Variants in PLXNA3 observed in about 807,000 individuals in gnomAD.
The protein encoded by PLXNA3 is plexin A3, also known as plexin-A3.
In PLXNA3, 52 loss-of-function variants were observed where a neutral mutation model predicts 118.8. The observed-to-expected ratio is 0.44, with a 90% CI of 0.35 to 0.55. The LOEUF (loss-of-function observed/expected upper bound fraction) is 0.55. PLXNA3 is among the 20% of genes least tolerant of loss of function. The probability of loss-of-function intolerance (pLI) is 0.01; values close to 1 mark genes in which losing one functional copy is unlikely to be tolerated. For missense variants in PLXNA3, 1,660 were observed against 1,730.8 expected (o/e 0.96, Z 0.73); for synonymous variants, 925 against 762.4 (o/e 1.21, Z -3.51).
chrX:154,471,050 G>T, intron 30 of PLXNA3, 55 bp from the exon 31 acceptor site: 1 of 1,047,571 alleles, frequency 9.5e-7, no homozygotes, highest in Non-Finnish European at 1.3e-6. Context: ...ACATGGGAGG[G>T]GCCCCTTGGG....
At position 154,464,469 on chromosome X, in the gene PLXNA3, CTT is replaced by C; in HGVS notation, c.1898_1899del (p.Phe633CysfsTer25). 8.3e-7 allele frequency: 1 copy of C among 1,210,188 alleles called. No homozygotes were observed. The highest frequency in any genetic ancestry group is 1.1e-6 in the Non-Finnish European group (1 of 894,014). On this transcript the variant is annotated frameshift_variant, in exon 9 of 33. Coordinates refer to ENST00000369682, the MANE Select transcript of PLXNA3 (RefSeq NM_017514.5). LOFTEE classifies it high-confidence loss of function. ...CAGGCGTGAGGTTTGCCGGTGCTGA[CTT>C]TGTCTTCTACAACTGCAGCGTCCTC... ...ETGVRFAGADFVFYNCSVLQS... is the reference protein window; with the variant it reads ...ETGVRFAGADXVFYNCSVLQS...
Position 154,467,538 on chromosome X carries a change from C to A in PLXNA3, c.3442-7C>A. ...AGTCCTGGGCTGAAGTTGTCCTCCA[C>A]CCCCAGGGCAAGAACCTGATTCCCG... On this transcript the variant is annotated splice_region_variant and splice_polypyrimidine_tract_variant and intron_variant, in intron 19 of 32. Transcript: ENST00000369682. 8.5e-7 allele frequency: 1 copy of A among 1,173,664 alleles called. No homozygotes were observed.
Position 154,461,006 on chromosome X carries a change from C to G in PLXNA3, c.595-93C>G, listed in dbSNP as rs1279584203. On this transcript the variant is annotated intron_variant, in intron 2 of 32. Transcript: ENST00000369682. ...TCTGGCCTGGGCCTCTGTGATCATC[C>G]AGGCGGGAGGGGGATGCAGAGGGAA... The G allele has an allele frequency of 4.7e-6, 4 of 846,145 alleles. No homozygotes were observed. The Admixed American group carries it at 1.1e-4, about 24-fold the overall frequency. 69.7% of individuals were successfully genotyped at this position (846,145 alleles called of 1,213,427 possible).
chrX:154,461,566 G>C lies in PLXNA3; in HGVS notation c.1062G>C (p.Gln354His). 1.7e-6 allele frequency: 2 copies of C among 1,208,585 alleles called. No homozygotes were observed. The highest frequency in any genetic ancestry group is 1.1e-6 in the Non-Finnish European group (1 of 895,366). Residue 354 changes from glutamine to histidine, a missense_variant, in exon 3 of 33, where the codon CAG becomes CAC. This residue lies in a region of PLXNA3 where 791 missense variants were observed against 652.1 expected (regional missense o/e 1.21). Transcript: ENST00000369682. ...NINAHIRRRI[Q>H]SCYRGEGTLA... The stretch of plus-strand genomic sequence containing the variant: ...ATGCCCACATCCGGCGCCGCATCCA[G>C]TCCTGCTATCGTGGGGAGGGCACTC...
In PLXNA3 at chrX:154,462,324, C is replaced by A. The variant is rs1024278657; in HGVS notation, c.1317+14C>A. ...AGCTTGAAGAAGGTGGCCCCCAGAG[C>A]CCTGGGCATGTGGGGGTGGGGACAG... is the stretch of plus-strand genomic sequence containing the variant. On this transcript the variant is annotated intron_variant, in intron 4 of 32. Coordinates refer to ENST00000369682, the MANE Select transcript of PLXNA3 (RefSeq NM_017514.5). 4 of 1,119,481 alleles carry A rather than the reference C, an allele frequency of 3.6e-6. No individual in the cohort carries two copies. The highest frequency in any genetic ancestry group is 2.9e-5 in the Admixed American group (1 of 34,331). The allele number at this position is 1,119,481 out of a possible 1,213,427, so 92.3% of individuals were successfully genotyped here. A position where few individuals can be genotyped will look rare whatever the true frequency, so the allele number is the denominator to read the frequency against.
At position 154,460,179 on chromosome X, in the gene PLXNA3, C is replaced by T. The variant is rs782264572; in HGVS notation, c.-5C>T. 542 of 1,182,555 alleles carry T rather than the reference C, an allele frequency of 4.6e-4. 1 individual carries two copies. Among genetic ancestry groups the T allele is most frequent in the East Asian group, 2.3e-3 (78 of 33,657 alleles). On this transcript the variant is annotated 5_prime_UTR_variant, in exon 2 of 33. Transcript: ENST00000369682. ...TAGGCCTGTCCCCAGGCGCGGCTGC[C>T]GGCCATGCCCTCTGTCTGCCTCCTC...
At position 154,466,722 on chromosome X, in the gene PLXNA3, C is replaced by T; in HGVS notation, c.3036C>T (p.Ser1012=). 1.7e-6 allele frequency: 2 copies of T among 1,196,633 alleles called. No homozygotes were observed. The highest frequency in any genetic ancestry group is 2.3e-6 in the Non-Finnish European group (2 of 887,741). ...TLAIDRANIS[S]PGLIYTYTQD... ...CCATTGACCGGGCTAACATCTCCAG[C>T]CCCGGGCTCATCTACACCTACACTC... Residue 1012 remains serine, a synonymous_variant, in exon 17 of 33, where the codon AGC becomes AGT. Coordinates refer to ENST00000369682, the MANE Select transcript of PLXNA3 (RefSeq NM_017514.5).
At position 154,460,535 on chromosome X, in the gene PLXNA3, G is replaced by A; in HGVS notation, c.352G>A (p.Gly118Ser). 1 of 1,209,273 alleles carries A rather than the reference G, an allele frequency of 8.3e-7. No homozygotes were observed. The highest frequency in any genetic ancestry group is 1.1e-6 in the Non-Finnish European group (1 of 893,920). Residue 118 changes from glycine (G) to serine (S), a missense_variant, in exon 2 of 33, where the codon GGC becomes AGC. Coordinates refer to ENST00000369682, the MANE Select transcript of PLXNA3 (RefSeq NM_017514.5). ...GGTGGCCTGCGGCAGCATCTGGCAG[G>A]GCATCTGCCAGTTCCTGCGTCTGGA... ...RLVACGSIWQ[G>S]ICQFLRLDDL...
Position 154,469,606 on chromosome X carries a change from TCC to T in PLXNA3, c.4699-79_4699-78del. The T allele has an allele frequency of 5.6e-6, 3 of 533,134 alleles. No homozygotes were observed. The South Asian group carries it at 6.9e-5, about 12-fold the overall frequency. The allele number at this position is 533,134 out of a possible 1,213,427, so 43.9% of individuals were successfully genotyped here. The stretch of plus-strand genomic sequence containing the variant: ...CGCCCTTCTCCCTGGGCTCGTGGGC[TCC>T]CCTCCTGGGTGTGGGTGGGTGGGGG... On this transcript the variant is annotated intron_variant, in intron 27 of 32. Transcript: ENST00000369682.
rs781890071 is a variant in PLXNA3 at position 154,468,401 on chromosome X, C to G, written c.4062C>G (p.Ser1354Arg). The stretch of plus-strand genomic sequence containing the variant: ...TCATCCACACGCTGGAGGCCCAGAG[C>G]AGCTTCTCCATGCGCGACCGCGGCA... ...LTFIHTLEAQ[S>R]SFSMRDRGTV... Residue 1354 changes from serine to arginine, a missense_variant, in exon 23 of 33, where the codon AGC (serine) becomes AGG (arginine). This residue lies in a region of PLXNA3 where 869 missense variants were observed against 1,078.7 expected (regional missense o/e 0.81). Coordinates refer to ENST00000369682, the MANE Select transcript of PLXNA3 (RefSeq NM_017514.5). The G allele has an allele frequency of 1.6e-5, 19 of 1,209,876 alleles. No individual in the cohort carries two copies. Among genetic ancestry groups the G allele is most frequent in the Non-Finnish European group, 1.8e-5 (16 of 895,236 alleles).
rs782023027 is a variant in PLXNA3, at chrX:154,466,083, G to A, written c.2678+3G>A. ...GCCGAGTACATCAGTGCTGAGAGGT[G>A]AGTGCGGCTCTGTGGGTGCCCGGGC... On this transcript the variant is annotated splice_donor_region_variant and intron_variant, in intron 14 of 32. Coordinates refer to ENST00000369682, the MANE Select transcript of PLXNA3 (RefSeq NM_017514.5). 8 of 1,208,956 alleles carry A rather than the reference G, an allele frequency of 6.6e-6. No individual in the cohort carries two copies. The highest frequency in any genetic ancestry group is 2.2e-5 in the Admixed American group (1 of 46,022).
Position 154,463,481 on chromosome X carries a change from C to G in PLXNA3, c.1408C>G (p.Pro470Ala). The G allele has an allele frequency of 2.5e-6, 3 of 1,207,843 alleles. No individual in the cohort carries two copies. The highest frequency in any genetic ancestry group is 3.4e-6 in the Non-Finnish European group (3 of 894,485). The change falls in exon 5 of 33, where the codon CCG becomes GCG. Residue 470 changes from proline to alanine, a missense_variant. Pro to Ala is a conservative substitution (Grantham distance 27, BLOSUM62 -1). Around this residue, in one of 2 missense-constraint regions of PLXNA3, gnomAD observed 791 missense variants for 652.1 expected, o/e 1.21. Coordinates refer to ENST00000369682, the MANE Select transcript of PLXNA3 (RefSeq NM_017514.5). ...CATCCTCCGAGACCTGCTCTTCAGC[C>G]CGGACCACCGGCACATCTATCTCCT... ...SPILRDLLFS[P>A]DHRHIYLLSE...
At chrX:154,463,196 C>T (rs1189412232) in intron 4 of PLXNA3, among the ~76,000 whole-genome samples, 195 bp from the exon 5 acceptor site, 3 of 110,785 alleles carry the variant, frequency 2.7e-5, no homozygotes, top group Non-Finnish European at 5.7e-5. Flanking sequence ...CGAATCACTC[C>T]GTCCTTCTGT....
At chrX:154,468,779 G>A in intron 24 of PLXNA3, 44 bp from the exon 25 acceptor site, 1 of 1,211,526 alleles carries the variant, frequency 8.3e-7, no homozygotes, top group Non-Finnish European at 1.1e-6. Flanking sequence ...GGACCGGCCA[G>A]TGGTCAGGCA....
In PLXNA3 at chrX:154,470,577, G is replaced by A. The variant is rs2069169618; in HGVS notation, c.5122G>A (p.Asp1708Asn). 1 of 1,210,363 alleles carries A rather than the reference G, an allele frequency of 8.3e-7. No homozygotes were observed. Among genetic ancestry groups the A allele is most frequent in the Non-Finnish European group, 1.1e-6 (1 of 895,200 alleles). ...GCAGGCGGACCAGCGCCAGATCAGC[G>A]ACCCCGATGTGCGCCACACCTGGAA... is the stretch of plus-strand genomic sequence containing the variant. ...DEQADQRQIS[D>N]PDVRHTWKSN... Residue 1708 changes from aspartate to asparagine, a missense_variant, in exon 30 of 33, where the codon GAC becomes AAC. Asp to Asn is a conservative substitution (Grantham distance 23, BLOSUM62 1). Transcript: ENST00000369682.
rs781964289 is a variant in PLXNA3, at chrX:154,467,381, C to T, written c.3351C>T (p.Ser1117=). The change falls in exon 19 of 33, where the codon TCC becomes TCT. Residue 1117 remains serine (S), a synonymous_variant. Transcript: ENST00000369682. ...AAACGGCCCGCTCCCTCAACCGCTC[C>T]TCCTTTACCTACTACCCTGATCCCA... ...HVQTARSLNR[S]SFTYYPDPSF... The T allele has an allele frequency of 2.5e-6, 3 of 1,203,919 alleles. No individual in the cohort carries two copies. The highest frequency in any genetic ancestry group is 1.8e-5 in the South Asian group (1 of 57,032).
rs1033023505 is a variant in PLXNA3, at chrX:154,472,687, G to T, written c.*2G>T. On this transcript the variant is annotated 3_prime_UTR_variant, in exon 33 of 33. Transcript: ENST00000369682. ...AGCCTCGTGTCCAGCGACAGCTAAG[G>T]TGGTGGAATCGGTGAGGAGGGGGCT... is the stretch of plus-strand genomic sequence containing the variant. 8.5e-7 allele frequency: 1 copy of T among 1,173,173 alleles called. No individual in the cohort carries two copies. The highest frequency in any genetic ancestry group is 1.2e-6 in the Non-Finnish European group (1 of 860,121).
chrX:154,463,800 C>T (rs1260036584), intron 6 of PLXNA3, 110 bp downstream of exon 6: 1 of 973,690 alleles, frequency 1.0e-6, no homozygotes, highest in Admixed American at 2.7e-5. Context: ...TCCACTTTCT[C>T]CAGCTAATGA....
chrX:154,462,381 C>A, intron 4 of PLXNA3, 71 bp downstream of exon 4: 1 of 610,619 alleles, frequency 1.6e-6, no homozygotes, highest in African/African-American at 2.4e-5. Context: ...GGTGGGAACA[C>A]ACGGGAGAGC....
Sources: allele counts gnomAD v4.1 joint callset (sites outside exome capture counted in the v4.1 genomes callset), GRCh38; gene constraint gnomAD v4.1.1; regional missense constraint gnomAD v4.1.1; transcripts MANE v1.5; gene names NCBI Gene and HGNC (gene_info 2026-07-23, HGNC 2026-07-21).